Variants in COPZ2 observed in about 807,000 individuals in gnomAD.
COPZ2 encodes coatomer subunit zeta-2.
In COPZ2, 30 loss-of-function variants were observed where a neutral mutation model predicts 33.2. The observed-to-expected ratio is 0.90, with a 90% CI of 0.68 to 1.23. The LOEUF (loss-of-function observed/expected upper bound fraction) is 1.23. COPZ2 is among the 50% of genes most tolerant of loss of function. The pLI is 0.00. For synonymous variants in COPZ2, 89 were observed against 102.6 expected, an observed-to-expected ratio of 0.87 and a Z score of 0.80; for missense variants, 263 against 262.4, an observed-to-expected ratio of 1.00 and a Z score of -0.02.
chr17:48,044,164 T>A, the COPZ2 span, among the ~76,000 whole-genome samples: 1 of 152,114 alleles, frequency 6.6e-6, no homozygotes, highest in African/African-American at 2.4e-5. Flanking sequence ...CTGGCCAACA[T>A]GGCAAAACCC....
At chr17:48,045,750 C>G in the COPZ2 span, 1 of 152,040 alleles carries the variant, frequency 6.6e-6, no homozygotes, top group South Asian at 2.1e-4. Flanking sequence ...AATGGATATA[C>G]CGGGACTGAT....
intron 2 of COPZ2, among the ~76,000 whole-genome samples, chr17:48,035,733 A>ATTTCTTTTCTT (rs1426592115): frequency 7.1e-6 from 1 of 140,790 alleles, no homozygotes; most frequent in Non-Finnish European, 1.5e-5. Flanking sequence ...CTTACAACAC[A>ATTTCTTTTCTT]TTTCTTTTCT....
chr17:48,030,862 C>T (rs1315543256), intron 6 of COPZ2, among the ~76,000 whole-genome samples: 1 of 152,218 alleles, frequency 6.6e-6, no homozygotes, highest in Non-Finnish European at 1.5e-5. Context: ...GTAAAGTTTT[C>T]CTTCAAGAGG....
rs1305281986 is a variant in COPZ2 at position 48,037,110 on chromosome 17, A to G, written c.112-185T>C. 5.2e-6 allele frequency: 4 copies of G among 772,300 alleles called. No individual in the cohort carries two copies. Among genetic ancestry groups the G allele is most frequent in the Non-Finnish European group, 9.6e-6 (4 of 416,144 alleles). 47.8% of individuals were successfully genotyped at this position (772,300 alleles called of 1,614,324 possible). A position where few individuals can be genotyped will look rare whatever the true frequency, so the allele number is the denominator to read the frequency against. ...CCAGGTGCCCACTCCACTCCCAGGC[A>G]GATGTTCCACTGCAGGCCCCGAGTG... On this transcript the variant is annotated intron_variant, in intron 1 of 8. Transcript: ENST00000621465. This position sits in a 1 kb window ranked among gnomAD's most constrained non-coding sequence, Gnocchi z 5.6.
At chr17:48,043,638 G>C in the COPZ2 span, 2 of 853,356 alleles carry the variant, frequency 2.3e-6, no homozygotes, top group Non-Finnish European at 2.8e-6. Context: ...TAAAGTTGTA[G>C]GGTGGGTGGA....
the COPZ2 span, chr17:48,046,164 G>T: frequency 6.6e-6 from 1 of 152,150 alleles, no homozygotes; most frequent in African/African-American, 2.4e-5. Flanking sequence ...ACAGATAAAC[G>T]ATTGTCCAGT....
chr17:48,031,455 C>CAA (rs1185312803), intron 6 of COPZ2, among the ~76,000 whole-genome samples: 3 of 64,726 alleles, frequency 4.6e-5, no homozygotes, highest in Non-Finnish European at 6.3e-5. Flanking sequence ...GACTCTGTCT[C>CAA]AAAAAAAAAA....
chr17:48,037,848 C>T, upstream of COPZ2: 2 of 950,902 alleles, frequency 2.1e-6, no homozygotes, highest in East Asian at 1.2e-4. The surrounding 1 kb of genome is among the most constrained non-coding windows in gnomAD (Gnocchi z 5.6). Flanking sequence ...CTCCGCGCCG[C>T]CCCGCGGCCC....
chr17:48,044,956 T>C, the COPZ2 span, among the ~76,000 whole-genome samples: 2 of 152,100 alleles, frequency 1.3e-5, no homozygotes, highest in African/African-American at 4.8e-5. Flanking sequence ...GACATGTTTT[T>C]CTTTTTATTA....
chr17:48,037,902 G>T, upstream of COPZ2: 1 of 941,758 alleles, frequency 1.1e-6, no homozygotes. The surrounding 1 kb of genome is among the most constrained non-coding windows in gnomAD (Gnocchi z 5.6). Flanking sequence ...CCGTCCTCTT[G>T]CTCGTTCTCC....
chr17:48,029,332 C>T, intron 6 of COPZ2, 156 bp from the exon 7 acceptor site: 1 of 712,168 alleles, frequency 1.4e-6, no homozygotes. Context: ...TCAGAACTCT[C>T]CCTCAGCATG....
chr17:48,047,802 C>A, the COPZ2 span: 1 of 152,256 alleles, frequency 6.6e-6, no homozygotes, highest in Non-Finnish European at 1.5e-5. Flanking sequence ...GTACCGGTTT[C>A]CGCCGCCAGC....
the COPZ2 span, chr17:48,046,952 C>T: frequency 6.6e-6 from 1 of 152,186 alleles, no homozygotes; most frequent in Non-Finnish European, 1.5e-5. Context: ...TCGCTTGAGT[C>T]CAGGAGTTCC....
At chr17:48,040,119 TACCCACCC>T (rs905467853), upstream of COPZ2, among the ~76,000 whole-genome samples, 12 of 126,834 alleles carry the variant, frequency 9.5e-5, no homozygotes, top group African/African-American at 3.4e-4. Flanking sequence ...GAGAACCTGC[TACCCACCC>T]ACCCACCCAC....
chr17:48,033,149 T>C, intron 4 of COPZ2, 62 bp downstream of exon 4: 1 of 1,179,792 alleles, frequency 8.5e-7, no homozygotes. Flanking sequence ...AAGCCCAGAT[T>C]CCAAATAACA....
At chr17:48,029,216 C>G (rs1268668126) in intron 6 of COPZ2, 40 bp from the exon 7 acceptor site, 1 of 1,536,312 alleles carries the variant, frequency 6.5e-7, no homozygotes, top group South Asian at 1.2e-5. Flanking sequence ...AAATCAGTGG[C>G]ACAATCCTCC....
the COPZ2 span, chr17:48,045,006 G>A: frequency 6.6e-6 from 1 of 152,020 alleles, no homozygotes; most frequent in Non-Finnish European, 1.5e-5. Context: ...GCCCAGACTG[G>A]AGTGCAATGG....
chr17:48,032,087 G>A (rs746816640), intron 6 of COPZ2, 69 bp downstream of exon 6: 3 of 1,281,588 alleles, frequency 2.3e-6, no homozygotes, highest in African/African-American at 2.9e-5. Flanking sequence ...GCCATGCTGG[G>A]TGCCATCTGG....
Position 48,028,891 on chromosome 17 carries a change from G to A in COPZ2, c.546+234C>T, listed in dbSNP as rs2036852361. 6.6e-6 allele frequency among the ~76,000 whole-genome samples: 1 copy of A among 152,116 alleles called. No individual in the cohort carries two copies. Among genetic ancestry groups the A allele is most frequent in the African/African-American group, 2.4e-5 (1 of 41,418 alleles). ...TTCCCCAGTCTATACTTCCTACCAG[G>A]AAAGAGGTGAGGTACTTGTGCTCCT... is the stretch of plus-strand genomic sequence containing the variant. On this transcript the variant is annotated intron_variant, in intron 7 of 8. Transcript: ENST00000621465. This position sits in a 1 kb window ranked among gnomAD's most constrained non-coding sequence, Gnocchi z 4.5.
Sources: allele counts gnomAD v4.1 joint callset (sites outside exome capture counted in the v4.1 genomes callset), GRCh38; gene constraint gnomAD v4.1.1; non-coding constraint Gnocchi (gnomAD v3.1); transcripts MANE v1.5; gene names NCBI Gene and HGNC (gene_info 2026-07-23, HGNC 2026-07-21).